The following TNS1 variants were observed in gnomAD, a reference collection of about 807,000 sequenced individuals.
TNS1 encodes the protein tensin-1.
A neutral mutation model predicts 168.6 loss-of-function variants in TNS1; 62 were observed. That is an observed-to-expected ratio of 0.37 (90% CI 0.30 to 0.45). The LOEUF (loss-of-function observed/expected upper bound fraction) is 0.45. TNS1 is among the 20% of genes least tolerant of loss of function. TNS1 has a pLI of 1.00. For synonymous variants in TNS1, 934 were observed against 933.2 expected (o/e 1.00, Z -0.02); for missense variants, 2,240 against 2,339.4 (o/e 0.96, Z 0.88).
intron 5 of TNS1, 138 bp downstream of exon 5, chr2:217,907,072 C>A (rs1953796665): frequency 3.1e-6 from 2 of 635,280 alleles, no homozygotes; most frequent in Admixed American, 2.2e-5. Context: ...TACTTCCCTG[C>A]AAGTTCCCCA....
At chr2:217,924,167 C>G (rs1955884982) in intron 3 of TNS1, among the ~76,000 whole-genome samples, 1 of 152,204 alleles carries the variant, frequency 6.6e-6, no homozygotes, top group African/African-American at 2.4e-5. Flanking sequence ...TTCCTTGGAG[C>G]CTGTGAGTAC....
chr2:217,932,005 A>G (rs1956349722), intron 3 of TNS1, among the ~76,000 whole-genome samples: 1 of 152,196 alleles, frequency 6.6e-6, no homozygotes, highest in Admixed American at 6.5e-5. Context: ...CAACCCAGCC[A>G]CATATTACTT....
chr2:217,918,247 C>T (rs16858457), intron 4 of TNS1, among the ~76,000 whole-genome samples: 11,231 of 152,224 alleles, frequency 0.074, 682 homozygotes, highest in East Asian at 0.29. Flanking sequence ...AGAAGAGAAA[C>T]GGAGGTCCAG....
intron 1 of TNS1, among the ~76,000 whole-genome samples, chr2:218,022,052 G>T (rs1224266447): frequency 2.0e-5 from 3 of 152,134 alleles, no homozygotes; most frequent in African/African-American, 7.2e-5. Context: ...CCTGGCACTG[G>T]CATCGGGGGG....
At chr2:217,958,297 C>T (rs1575137949) in intron 3 of TNS1, among the ~76,000 whole-genome samples, 1 of 150,722 alleles carries the variant, frequency 6.6e-6, no homozygotes, top group African/African-American at 2.4e-5. Flanking sequence ...TGCCAGATGC[C>T]GTTAGGAAAC....
At chr2:217,871,043 G>C (rs1467708325) in intron 18 of TNS1, among the ~76,000 whole-genome samples, 2 of 152,092 alleles carry the variant, frequency 1.3e-5, no homozygotes, top group Non-Finnish European at 2.9e-5. Context: ...TCTCATCCAG[G>C]CCTCTATCTT....
In TNS1 at chr2:217,836,039, G is replaced by A; in HGVS notation, c.3180C>T (p.Leu1060=). The A allele has an allele frequency of 6.2e-7, 1 of 1,613,992 alleles. No homozygotes were observed. The highest frequency in any genetic ancestry group is 8.5e-7 in the Non-Finnish European group (1 of 1,179,906). Residue 1060 remains leucine (L), a synonymous_variant, in exon 20 of 33, where the codon CTC becomes CTT. Transcript: ENST00000682258. ...VSPELALTIA[L]NPGGRPKEPH... is the part of the protein sequence containing the mutation. The stretch of plus-strand genomic sequence containing the variant: ...CCTCTTTGGGCCGCCCTCCAGGATT[G>A]AGAGCGATGGTAAGAGCCAGCTCCG...
At chr2:217,869,271 G>A (rs1203936982) in intron 18 of TNS1, among the ~76,000 whole-genome samples, 1 of 152,218 alleles carries the variant, frequency 6.6e-6, no homozygotes, top group Non-Finnish European at 1.5e-5. Context: ...GAGGCTGATG[G>A]AGAGATTGGC....
chr2:217,823,057 G>T (rs1302991808), intron 22 of TNS1, among the ~76,000 whole-genome samples: 3 of 152,226 alleles, frequency 2.0e-5, no homozygotes. Flanking sequence ...CATCCCTCAG[G>T]AGGCCAGGCC....
intron 3 of TNS1, among the ~76,000 whole-genome samples, chr2:217,936,189 T>G (rs113077169): frequency 0.011 from 1,684 of 152,140 alleles, 15 homozygotes; most frequent in South Asian, 0.028. Context: ...GGAACACTCC[T>G]GTTCGTTCAT....
upstream of TNS1, among the ~76,000 whole-genome samples, chr2:218,013,243 G>A (rs199947480): frequency 1.5e-4 from 22 of 150,970 alleles, no homozygotes; most frequent in East Asian, 7.8e-4. Context: ...GTGACAGAGC[G>A]AGACTCTATC....
Position 218,033,128 on chromosome 2 carries a change from C to T in TNS1, c.156+692G>A, listed in dbSNP as rs1958912373. 6.6e-6 allele frequency among the ~76,000 whole-genome samples: 1 copy of T among 152,142 alleles called. No individual in the cohort carries two copies. Among genetic ancestry groups the T allele is most frequent in the South Asian group, 2.1e-4 (1 of 4,830 alleles). On this transcript the variant is annotated intron_variant, in intron 1 of 1. Coordinates refer to the TNS1 transcript ENST00000649572. The surrounding 1 kb of genome is among the most constrained non-coding windows in gnomAD (Gnocchi z 4.3). ...ACCCACCAACAGCGAGTCCTGAGGT[C>T]ACAGGGACCTAGAGAGGAGTTACCC...
At chr2:218,014,043 C>T (rs540565689), upstream of TNS1, among the ~76,000 whole-genome samples, 52 of 152,342 alleles carry the variant, frequency 3.4e-4, no homozygotes, top group Non-Finnish European at 6.0e-4. Context: ...GAGAGCAGGT[C>T]ATGGGAGGAG....
chr2:217,864,962 G>C lies in TNS1; in HGVS notation c.1430-15875C>G, dbSNP rs142757998. ...CATGTGGTTCCATGCAGAGAGGTGG[G>C]TGTGTGCAGAGGAGCCCATGTGGTT... On this transcript the variant is annotated intron_variant, in intron 18 of 32. Coordinates refer to ENST00000682258, the MANE Select transcript of TNS1 (RefSeq NM_001387777.1). 2.1e-3 allele frequency among the ~76,000 whole-genome samples: 324 copies of C among 152,212 alleles called. 1 individual carries two copies. Among genetic ancestry groups the C allele is most frequent in the East Asian group, 0.012 (63 of 5,178 alleles).
rs181398739 is a variant in TNS1 at position 217,941,061 on chromosome 2, G to A, written c.187-20825C>T. On this transcript the variant is annotated intron_variant, in intron 3 of 32. Coordinates refer to ENST00000682258, the MANE Select transcript of TNS1 (RefSeq NM_001387777.1). ...TTATGCAAGCCACTTGATGCTGCCCGGACAACCCGCATTATTTACAAATGT... is the reference window on the plus strand; with the variant it reads ...TTATGCAAGCCACTTGATGCTGCCCAGACAACCCGCATTATTTACAAATGT... Among the ~76,000 whole-genome samples, 352 of 152,244 alleles carry A rather than the reference G, an allele frequency of 2.3e-3. 1 individual carries two copies. The highest frequency in any genetic ancestry group is 8.1e-3 in the African/African-American group (335 of 41,544).
chr2:217,889,934 C>T (rs1252793870), intron 12 of TNS1, among the ~76,000 whole-genome samples: 1 of 152,370 alleles, frequency 6.6e-6, no homozygotes, highest in East Asian at 1.9e-4. Flanking sequence ...GCTGCCTGTG[C>T]CTTCCTGTGC....
At chr2:217,807,449 G>A (rs185311960) in intron 32 of TNS1, among the ~76,000 whole-genome samples, 44 of 152,292 alleles carry the variant, frequency 2.9e-4, no homozygotes, top group Non-Finnish European at 4.9e-4. Flanking sequence ...AGGATCCTTG[G>A]AATACAGTTT....
chr2:217,903,737 G>A, intron 6 of TNS1: 1 of 808,786 alleles, frequency 1.2e-6, no homozygotes, highest in Non-Finnish European at 2.0e-6. Context: ...TCCTGCTGCA[G>A]ATTCAGCCAA....
intron 32 of TNS1, among the ~76,000 whole-genome samples, chr2:217,805,353 C>T (rs1358559359): frequency 1.3e-5 from 2 of 151,610 alleles, no homozygotes; most frequent in African/African-American, 4.9e-5. Context: ...CTCCCTACCG[C>T]AGGACCACGG....
Sources: gnomAD v4.1 joint callset for allele counts (sites outside exome capture counted in the v4.1 genomes callset) on GRCh38, gnomAD v4.1.1 for gene constraint, Gnocchi (gnomAD v3.1) non-coding constraint, MANE v1.5 for transcripts, NCBI Gene and HGNC (gene_info 2026-07-23, HGNC 2026-07-21) for gene names.